Variants in MAMDC2 observed in about 807,000 individuals in gnomAD.
MAMDC2 encodes MAM domain-containing protein 2.
A neutral mutation model predicts 89.8 loss-of-function variants in MAMDC2; 57 were observed. That is an observed-to-expected ratio of 0.63 (90% CI 0.51 to 0.79). The LOEUF is 0.79. MAMDC2 is among the 30% of genes least tolerant of loss of function. MAMDC2 has a pLI of 0.00. For missense variants in MAMDC2, 800 were observed against 820.6 expected, an observed-to-expected ratio of 0.97 and a Z score of 0.31; for synonymous variants, 313 against 293.4, an observed-to-expected ratio of 1.07 and a Z score of -0.68.
At position 70,100,021 on chromosome 9, in the gene MAMDC2, A is replaced by AGAGAGC. The variant is rs1316783544; in HGVS notation, c.149-8187_149-8186insAGCGAG. Among the ~76,000 whole-genome samples the AGAGAGC allele has an allele frequency of 1.3e-3, 190 of 144,498 alleles. 2 individuals are homozygous for AGAGAGC. Among genetic ancestry groups the AGAGAGC allele is most frequent in the Middle Eastern group, 3.6e-3 (1 of 274 alleles). 94.8% of individuals were successfully genotyped at this position (144,498 alleles called of 152,430 possible). A position where few individuals can be genotyped will look rare whatever the true frequency, so the allele number is the denominator to read the frequency against. ...GAGAGAGAGAGAGAGAGAGAGAGAG[A>AGAGAGC]GAGCACAAGCACAATGGGCAGCAGG... is the stretch of plus-strand genomic sequence containing the variant. On this transcript the variant is annotated intron_variant, in intron 2 of 13. Transcript: ENST00000377182.
chr9:70,204,383 G>C (rs2033172103), intron 11 of MAMDC2, among the ~76,000 whole-genome samples: 2 of 151,808 alleles, frequency 1.3e-5, no homozygotes, highest in Admixed American at 6.6e-5. Context: ...TCAGGGGTCA[G>C]GGACCCACTT....
chr9:70,185,433 A>G (rs2118586772), intron 11 of MAMDC2, among the ~76,000 whole-genome samples: 1 of 152,328 alleles, frequency 6.6e-6, no homozygotes, highest in East Asian at 1.9e-4. Flanking sequence ...CCTCCCTGTC[A>G]GGATCCACTG....
At chr9:70,197,039 T>G (rs964833702) in intron 11 of MAMDC2, among the ~76,000 whole-genome samples, 2 of 143,946 alleles carry the variant, frequency 1.4e-5, no homozygotes, top group South Asian at 4.7e-4. Flanking sequence ...TAAATCTGTC[T>G]GCTATAAAAA....
chr9:70,152,172 T>C (rs1192944305), intron 9 of MAMDC2, among the ~76,000 whole-genome samples: 1 of 152,218 alleles, frequency 6.6e-6, no homozygotes, highest in African/African-American at 2.4e-5. Context: ...TTTCTCCTAT[T>C]TGCAGTTATC....
At chr9:70,133,024 G>C (rs531390896) in intron 7 of MAMDC2, among the ~76,000 whole-genome samples, 6 of 152,262 alleles carry the variant, frequency 3.9e-5, no homozygotes, top group East Asian at 1.9e-4. Flanking sequence ...AAATTTGACA[G>C]AACACAGAAA....
chr9:70,116,903 T>A (rs918790057), intron 5 of MAMDC2, among the ~76,000 whole-genome samples: 5 of 152,116 alleles, frequency 3.3e-5, no homozygotes, highest in Admixed American at 6.5e-5. Context: ...TCTCCCTCTC[T>A]CTATTTTCCC....
At chr9:70,086,331 G>A (rs142525016) in intron 2 of MAMDC2, 9 of 152,202 alleles carry the variant, frequency 5.9e-5, no homozygotes, top group East Asian at 1.9e-4. Flanking sequence ...AAAGAAAAGC[G>A]AATCCATATT....
chr9:70,213,111 T>A (rs959897445), intron 11 of MAMDC2, among the ~76,000 whole-genome samples: 3 of 152,170 alleles, frequency 2.0e-5, no homozygotes, highest in Non-Finnish European at 4.4e-5. Context: ...CTCAGAATAA[T>A]CCTGGTCAAG....
chr9:70,214,366 T>C (rs1044194815), intron 11 of MAMDC2, among the ~76,000 whole-genome samples: 4 of 152,148 alleles, frequency 2.6e-5, no homozygotes, highest in Non-Finnish European at 5.9e-5. Flanking sequence ...TGCAAAGGCC[T>C]TCAGGCAGCA....
intron 7 of MAMDC2, among the ~76,000 whole-genome samples, chr9:70,136,015 G>A (rs933647298): frequency 6.6e-6 from 1 of 152,094 alleles, no homozygotes; most frequent in East Asian, 1.9e-4. Flanking sequence ...GCCAGGCATG[G>A]TGGTGCATGC....
intron 2 of MAMDC2, among the ~76,000 whole-genome samples, chr9:70,084,346 A>G (rs1185797145): frequency 2.6e-5 from 4 of 152,110 alleles, no homozygotes; most frequent in African/African-American, 9.7e-5. Context: ...AAGAATAACT[A>G]ATGCCATGAA....
rs1205882222 is a variant in MAMDC2 at position 70,126,407 on chromosome 9, C to T, written c.892C>T (p.Pro298Ser). Residue 298 changes from proline (P) to serine (S), a missense_variant, in exon 6 of 14, where the codon CCC (proline) becomes TCC (serine). Transcript: ENST00000377182. ...GGAGGTCGAGTTCAGTGCTCCTTAC[C>T]CCATGGAGGTAGGTGTACTGGTGCG... The part of the protein sequence containing the change: ...LAEVEFSAPY[P>S]MEVIFEVAFN... 1.2e-6 allele frequency: 2 copies of T among 1,612,794 alleles called. No individual in the cohort carries two copies. Among genetic ancestry groups the T allele is most frequent in the Non-Finnish European group, 1.7e-6 (2 of 1,179,620 alleles).
chr9:70,170,861 A>C, intron 11 of MAMDC2: 1 of 418,894 alleles, frequency 2.4e-6, no homozygotes, highest in Non-Finnish European at 4.2e-6. Context: ...CAGGGCTTAC[A>C]AAGTTCTGCA....
intron 2 of MAMDC2, among the ~76,000 whole-genome samples, chr9:70,091,550 T>A (rs1827901503): frequency 6.6e-6 from 1 of 152,206 alleles, no homozygotes; most frequent in Non-Finnish European, 1.5e-5. Flanking sequence ...TATAAGTATG[T>A]CCCCAGTGAT....
intron 6 of MAMDC2, among the ~76,000 whole-genome samples, chr9:70,130,789 C>CAA (rs901505708): frequency 1.3e-4 from 20 of 151,806 alleles, no homozygotes; most frequent in African/African-American, 4.8e-4. Context: ...CAAAACAAAA[C>CAA]AAAACAAAAC....
intron 2 of MAMDC2, among the ~76,000 whole-genome samples, chr9:70,105,705 A>T (rs1587474985): frequency 6.6e-6 from 1 of 152,244 alleles, no homozygotes; most frequent in Non-Finnish European, 1.5e-5. Context: ...AGTACATTTT[A>T]TATAGTGTGT....
At chr9:70,135,408 ACT>A (rs937983247) in intron 7 of MAMDC2, among the ~76,000 whole-genome samples, 37 of 152,266 alleles carry the variant, frequency 2.4e-4, no homozygotes, top group African/African-American at 7.7e-4. Context: ...GGAATCAGAC[ACT>A]GTCTCAGGGT....
Position 70,139,179 on chromosome 9 carries a change from G to A in MAMDC2, c.995-966G>A, listed in dbSNP as rs182193932. On this transcript the variant is annotated intron_variant, in intron 7 of 13. Coordinates refer to ENST00000377182, the MANE Select transcript of MAMDC2 (RefSeq NM_153267.5). ...GTACATGTGCACAATGTGCAGGTTA[G>A]TTACATATGTATACATGTGCCATGC... is the stretch of plus-strand genomic sequence containing the variant. Among the ~76,000 whole-genome samples, 254 of 149,500 alleles carry A rather than the reference G, an allele frequency of 1.7e-3. 2 individuals carry two copies. Among genetic ancestry groups the A allele is most frequent in the African/African-American group, 6.1e-3 (247 of 40,724 alleles).
At chr9:70,163,229 CTT>C (rs66957093) in intron 9 of MAMDC2, among the ~76,000 whole-genome samples, 14 of 125,100 alleles carry the variant, frequency 1.1e-4, no homozygotes, top group Admixed American at 4.3e-4. Context: ...TTCTTTCTTT[CTT>C]TTTTTTTTTT....
Sources: gnomAD v4.1 joint callset for allele counts (sites outside exome capture counted in the v4.1 genomes callset) on GRCh38, gnomAD v4.1.1 for gene constraint, MANE v1.5 for transcripts, NCBI Gene and HGNC (gene_info 2026-07-23, HGNC 2026-07-21) for gene names.